Variants in P4HA3 observed in about 807,000 individuals in gnomAD.
P4HA3 encodes prolyl 4-hydroxylase subunit alpha-3.
In P4HA3, 60 loss-of-function variants were observed where a neutral mutation model predicts 66.7. The ratio of observed to expected loss-of-function variants is 0.90; its 90% CI spans 0.73 to 1.12. The LOEUF is 1.12. P4HA3 is among the 50% of genes most tolerant of loss of function. P4HA3 has a pLI of 0.00. For missense variants in P4HA3, 683 were observed against 685.8 expected (o/e 1.00, Z 0.05); for synonymous variants, 263 against 274.6 (o/e 0.96, Z 0.42).
At chr11:74,252,606 T>G in intron 15 of P4HA3, 1 of 450,790 alleles carries the variant, frequency 2.2e-6, no homozygotes, top group South Asian at 1.6e-5. Flanking sequence ...GGATAATTCT[T>G]CATTGTGGGG....
At chr11:74,250,859 G>C (rs1052133320) in intron 15 of P4HA3, 1 of 1,025,026 alleles carries the variant, frequency 9.8e-7, no homozygotes, top group Non-Finnish European at 1.5e-6. Flanking sequence ...TTGGAAATGG[G>C]GAGGTAGGTC....
At chr11:74,288,008 T>C (rs894163776) in intron 5 of P4HA3, among the ~76,000 whole-genome samples, 1 of 152,022 alleles carries the variant, frequency 6.6e-6, no homozygotes, top group African/African-American at 2.4e-5. Context: ...AGAATGAGAC[T>C]CTGTCTCAAA....
At chr11:74,265,930 T>C (rs952933711), downstream of P4HA3, among the ~76,000 whole-genome samples, 32 of 152,178 alleles carry the variant, frequency 2.1e-4, no homozygotes. Flanking sequence ...ACAAAGTCAT[T>C]TCAATCCTGA....
At chr11:74,287,539 G>C (rs1591114064) in intron 5 of P4HA3, among the ~76,000 whole-genome samples, 1 of 152,116 alleles carries the variant, frequency 6.6e-6, no homozygotes, top group South Asian at 2.1e-4. Context: ...TTATAATTTT[G>C]TTTGTACCAC....
At chr11:74,257,506 G>A (rs1314141508) in intron 15 of P4HA3, among the ~76,000 whole-genome samples, 1 of 152,142 alleles carries the variant, frequency 6.6e-6, no homozygotes, top group Non-Finnish European at 1.5e-5. Flanking sequence ...AGAAGGAACA[G>A]CACAGACAAG....
chr11:74,278,324 C>T (rs1860470905), intron 8 of P4HA3, among the ~76,000 whole-genome samples: 1 of 152,148 alleles, frequency 6.6e-6, no homozygotes, highest in African/African-American at 2.4e-5. Flanking sequence ...ACGGGAGATA[C>T]AGCTGGAGAA....
intron 5 of P4HA3, among the ~76,000 whole-genome samples, chr11:74,286,847 T>C (rs756900957): frequency 7.9e-5 from 12 of 152,208 alleles, no homozygotes; most frequent in Non-Finnish European, 1.5e-4. Flanking sequence ...AAAAGGACAT[T>C]AAATTATCAC....
intron 10 of P4HA3, among the ~76,000 whole-genome samples, chr11:74,271,493 C>T (rs949994066): frequency 1.3e-5 from 2 of 151,960 alleles, no homozygotes; most frequent in East Asian, 1.9e-4. Flanking sequence ...AGAAATCTTC[C>T]GTCTGTATAC....
At chr11:74,268,297 G>A in intron 11 of P4HA3, 56 bp from the exon 12 acceptor site, 1 of 1,413,324 alleles carries the variant, frequency 7.1e-7, no homozygotes, top group Admixed American at 1.7e-5. Context: ...CAGTCCTCGG[G>A]AAGCACATAC....
chr11:74,257,273 TG>T (rs1859845243), intron 15 of P4HA3, among the ~76,000 whole-genome samples: 1 of 152,160 alleles, frequency 6.6e-6, no homozygotes, highest in Admixed American at 6.5e-5. Flanking sequence ...TTCAGGTGCC[TG>T]CCACCACGCC....
At chr11:74,252,909 C>G (rs993815688) in intron 15 of P4HA3, among the ~76,000 whole-genome samples, 1 of 152,162 alleles carries the variant, frequency 6.6e-6, no homozygotes, top group African/African-American at 2.4e-5. Context: ...TCAGCCAGCT[C>G]CTAGTCTGTA....
chr11:74,254,763 A>G (rs1432949207), intron 15 of P4HA3: 1 of 152,734 alleles, frequency 6.5e-6, no homozygotes, highest in Non-Finnish European at 1.5e-5. Flanking sequence ...GGCAGGGGAC[A>G]GCTCATTGGA....
Position 74,276,967 on chromosome 11 carries a change from C to A in P4HA3, c.1335+18G>T. 1.2e-6 allele frequency: 2 copies of A among 1,605,702 alleles called. No individual in the cohort carries two copies. The highest frequency in any genetic ancestry group is 2.2e-5 in the South Asian group (2 of 90,160). ...TGGCTCCCTACCCCAGGGGATTGGTCATTGACTCCACCATTACCGTAGCAT... is the reference window on the plus strand; with the variant it reads ...TGGCTCCCTACCCCAGGGGATTGGTAATTGACTCCACCATTACCGTAGCAT... On this transcript the variant is annotated intron_variant, in intron 9 of 12. Transcript: ENST00000331597.
Position 74,268,155 on chromosome 11 carries a change from TC to T in P4HA3, c.1553del (p.Gly518GlufsTer90). 1 of 1,613,596 alleles carries T rather than the reference TC, an allele frequency of 6.2e-7. No individual in the cohort carries two copies. ...TLHAGCPVLV[G>X]DKWVANKWIH... ...AAAGGCAAGACTTACCCCACTTATC[TC>T]CCACCAGGACAGGACAGCCAGCATG... is the stretch of plus-strand genomic sequence containing the variant. On this transcript the variant is annotated frameshift_variant, in exon 12 of 13. Coordinates refer to ENST00000331597, the MANE Select transcript of P4HA3 (RefSeq NM_182904.5). LOFTEE classifies it high-confidence loss of function.
At chr11:74,296,538 C>G (rs1426301841) in intron 4 of P4HA3, among the ~76,000 whole-genome samples, 3 of 152,024 alleles carry the variant, frequency 2.0e-5, no homozygotes, top group East Asian at 3.9e-4. Context: ...GTAAGACCAC[C>G]AAGGAGGAAA....
intron 5 of P4HA3, 103 bp from the exon 6 acceptor site, chr11:74,286,494 G>A: frequency 9.1e-7 from 1 of 1,098,848 alleles, no homozygotes; most frequent in Non-Finnish European, 1.2e-6. Flanking sequence ...CACAGGATGG[G>A]CAAGTGGATC....
chr11:74,278,798 A>G (rs1006168998), intron 8 of P4HA3, among the ~76,000 whole-genome samples: 1 of 152,190 alleles, frequency 6.6e-6, no homozygotes, highest in African/African-American at 2.4e-5. Context: ...CTTCCCAGAC[A>G]GCACAAACTG....
chr11:74,269,011 T>G (rs1860094374), intron 11 of P4HA3, among the ~76,000 whole-genome samples: 1 of 152,186 alleles, frequency 6.6e-6, no homozygotes, highest in African/African-American at 2.4e-5. Flanking sequence ...TACCTGGCAT[T>G]GATTATCGAA....
chr11:74,257,146 TAGAC>T (rs1020688234), intron 15 of P4HA3, among the ~76,000 whole-genome samples: 17 of 152,248 alleles, frequency 1.1e-4, no homozygotes, highest in African/African-American at 4.1e-4. Flanking sequence ...TTCTTTTTTT[TAGAC>T]AGTCTCCTCT....
Sources: gnomAD v4.1 joint callset for allele counts (sites outside exome capture counted in the v4.1 genomes callset) on GRCh38, gnomAD v4.1.1 for gene constraint, MANE v1.5 for transcripts, NCBI Gene and HGNC (gene_info 2026-07-23, HGNC 2026-07-21) for gene names.